The following ADARB2 variants were observed in gnomAD, a reference collection of about 807,000 sequenced individuals.
ADARB2 encodes the protein inactive double-stranded RNA-specific editase B2.
Under a neutral mutation model 62.2 loss-of-function variants are expected in ADARB2, and 25 were observed. The observed-to-expected ratio is 0.40, with a 90% CI of 0.29 to 0.56. The LOEUF (loss-of-function observed/expected upper bound fraction) is 0.56. Ranked by LOEUF, ADARB2 falls within the 20% of genes least tolerant of loss-of-function variation. The pLI, the probability that ADARB2 is intolerant of heterozygous loss-of-function variation, is 0.43. For missense variants in ADARB2, 1,071 were observed against 1,077.4 expected (o/e 0.99, Z 0.08); for synonymous variants, 572 against 500.8 (o/e 1.14, Z -1.90).
chr10:1,660,959 T>C (rs149992693), intron 1 of ADARB2, among the ~76,000 whole-genome samples: 72 of 152,100 alleles, frequency 4.7e-4, no homozygotes, highest in African/African-American at 1.7e-3. Flanking sequence ...AACCCTGAGA[T>C]AAACCCCCCC....
chr10:1,422,997 T>G (rs75080574), intron 1 of ADARB2, among the ~76,000 whole-genome samples: 1 of 152,320 alleles, frequency 6.6e-6, no homozygotes, highest in East Asian at 1.9e-4. Flanking sequence ...CAGCTAGATG[T>G]TCTGTGAGCC....
chr10:1,566,406 T>C (rs1832862809), intron 1 of ADARB2, among the ~76,000 whole-genome samples: 1 of 152,250 alleles, frequency 6.6e-6, no homozygotes, highest in South Asian at 2.1e-4. Flanking sequence ...CGTTAGCAAT[T>C]CTAATTTGTT....
At chr10:1,311,244 A>G (rs949881986) in intron 3 of ADARB2, among the ~76,000 whole-genome samples, 3 of 152,220 alleles carry the variant, frequency 2.0e-5, no homozygotes, top group Admixed American at 2.0e-4. Context: ...CCTGCCACAC[A>G]TGACTGAGTG....
intron 1 of ADARB2, among the ~76,000 whole-genome samples, chr10:1,692,558 T>A (rs1037997571): frequency 6.6e-6 from 1 of 152,038 alleles, no homozygotes; most frequent in African/African-American, 2.4e-5. Context: ...GGAGCAGGAG[T>A]GTTTCCTCAT....
rs1191413829 is a variant in ADARB2 at position 1,664,915 on chromosome 10, A to C, written c.100+72136T>G. On this transcript the variant is annotated intron_variant, in intron 1 of 9. Coordinates refer to ENST00000381312, the MANE Select transcript of ADARB2 (RefSeq NM_018702.4). ...TAATTGCTTAGAATGAGATGGCAGA[A>C]GAAATGTTGAGAAGGGAAATCAAGA... Among the ~76,000 whole-genome samples, 6 of 152,230 alleles carry C rather than the reference A, an allele frequency of 3.9e-5. No individual in the cohort carries two copies. In the East Asian group the frequency reaches 1.2e-3, roughly 29 times the overall value.
intron 1 of ADARB2, among the ~76,000 whole-genome samples, chr10:1,491,853 C>T (rs1831626578): frequency 6.6e-6 from 1 of 152,184 alleles, no homozygotes; most frequent in African/African-American, 2.4e-5. Flanking sequence ...TGTAGTTTCT[C>T]CTGTTAAAAA....
chr10:1,654,735 G>T (rs918459747), intron 1 of ADARB2, among the ~76,000 whole-genome samples: 1 of 152,220 alleles, frequency 6.6e-6, no homozygotes, highest in Non-Finnish European at 1.5e-5. Context: ...GGGCTATTTG[G>T]TAATGGCAGC....
At position 1,702,531 on chromosome 10, in the gene ADARB2, C is replaced by T. The variant is rs74964334; in HGVS notation, c.100+34520G>A. Among the ~76,000 whole-genome samples the T allele has an allele frequency of 6.9e-3, 1,048 of 152,328 alleles. 4 individuals are homozygous for T. The highest frequency in any genetic ancestry group is 0.011 in the Non-Finnish European group (746 of 68,038). On this transcript the variant is annotated intron_variant, in intron 1 of 9. Transcript: ENST00000381312. Reference sequence around the variant, plus strand: ...TTCCTCCATGTCCATCACTCTCTTCCCTTTTCTCTCCACCTGTCTTGATTA... The same window carrying T: ...TTCCTCCATGTCCATCACTCTCTTCTCTTTTCTCTCCACCTGTCTTGATTA...
intron 1 of ADARB2, among the ~76,000 whole-genome samples, chr10:1,463,051 G>A (rs578190147): frequency 6.6e-6 from 1 of 152,338 alleles, no homozygotes; most frequent in East Asian, 1.9e-4. Flanking sequence ...CAGGTGGGAT[G>A]TGTGTCCATT....
In ADARB2 at chr10:1,579,919, C is replaced by T. The variant is rs150541067; in HGVS notation, c.100+157132G>A. ...ATGCCTGGTGTCTCTAGCAGCCGCT[C>T]ACCTTTCAGGACTCAGGGGCTCCCT... On this transcript the variant is annotated intron_variant, in intron 1 of 9. Coordinates refer to ENST00000381312, the MANE Select transcript of ADARB2 (RefSeq NM_018702.4). 6.2e-3 allele frequency among the ~76,000 whole-genome samples: 944 copies of T among 152,306 alleles called. 1 individual carries two copies. Among genetic ancestry groups the T allele is most frequent in the Middle Eastern group, 0.02 (6 of 294 alleles).
intron 1 of ADARB2, among the ~76,000 whole-genome samples, chr10:1,628,868 G>A (rs1044724346): frequency 2.0e-5 from 3 of 152,246 alleles, no homozygotes; most frequent in Non-Finnish European, 4.4e-5. Flanking sequence ...AGCGAATCAC[G>A]GCTGCCCAGT....
intron 1 of ADARB2, among the ~76,000 whole-genome samples, chr10:1,504,323 C>T (rs1459915171): frequency 2.6e-5 from 4 of 152,240 alleles, no homozygotes; most frequent in Non-Finnish European, 5.9e-5. Context: ...CTACTGTTTT[C>T]TCCCATGAAG....
At chr10:1,291,041 G>A (rs1447282512) in intron 3 of ADARB2, 1 of 152,164 alleles carries the variant, frequency 6.6e-6, no homozygotes, top group East Asian at 1.9e-4. Flanking sequence ...GATTTAAAAA[G>A]ATAAAAACCA....
chr10:1,696,272 T>C (rs750615823), intron 1 of ADARB2, among the ~76,000 whole-genome samples: 1 of 125,634 alleles, frequency 8.0e-6, no homozygotes, highest in Non-Finnish European at 1.7e-5. Flanking sequence ...ATGTGCCTGT[T>C]TGTGTGTATG....
chr10:1,669,549 CAG>C (rs898175070), intron 1 of ADARB2, among the ~76,000 whole-genome samples: 14 of 151,574 alleles, frequency 9.2e-5, no homozygotes, highest in African/African-American at 2.7e-4. Flanking sequence ...CAGGCACACT[CAG>C]AGAGACACAC....
At chr10:1,414,831 TAGAG>T (rs548196599) in intron 1 of ADARB2, among the ~76,000 whole-genome samples, 1 of 152,154 alleles carries the variant, frequency 6.6e-6, no homozygotes, top group Non-Finnish European at 1.5e-5. Flanking sequence ...GAAGGATGGA[TAGAG>T]AGACAGCTGG....
chr10:1,211,195 CATCT>C (rs1306926057), intron 7 of ADARB2, among the ~76,000 whole-genome samples: 3 of 151,388 alleles, frequency 2.0e-5, no homozygotes, highest in Non-Finnish European at 2.9e-5. Flanking sequence ...TTTCATCTAT[CATCT>C]ATCATTATCA....
rs554561822 is a variant in ADARB2 at position 1,452,249 on chromosome 10, T to C, written c.101-73089A>G. On this transcript the variant is annotated intron_variant, in intron 1 of 9. Coordinates refer to ENST00000381312, the MANE Select transcript of ADARB2 (RefSeq NM_018702.4). ...AGGGAGACGGCAAATGTGAAAGCAC[T>C]GGTCAACTGTCGCACATGTAAATCT... Among the ~76,000 whole-genome samples the C allele has an allele frequency of 2.8e-4, 42 of 152,302 alleles. No homozygotes were observed. In the South Asian group the frequency reaches 8.7e-3, roughly 32 times the overall value.
chr10:1,208,434 A>G lies in ADARB2; in HGVS notation c.1683-8287T>C, dbSNP rs183621450. On this transcript the variant is annotated intron_variant, in intron 7 of 9. Transcript: ENST00000381312. ...GGCTCTGAGGTCACAGAGGAGGCCA[A>G]GGACACCTGGGTGTGTCTGTCCCTG... 8.5e-5 allele frequency among the ~76,000 whole-genome samples: 13 copies of G among 152,304 alleles called. No individual in the cohort carries two copies. In the East Asian group the frequency reaches 2.5e-3, roughly 29 times the overall value.
Sources: gnomAD v4.1 joint callset for allele counts (sites outside exome capture counted in the v4.1 genomes callset) on GRCh38, gnomAD v4.1.1 for gene constraint, MANE v1.5 for transcripts, NCBI Gene and HGNC (gene_info 2026-07-23, HGNC 2026-07-21) for gene names.